The following SLC25A48 variants were observed in gnomAD, a reference collection of about 807,000 sequenced individuals.
SLC25A48 encodes the protein solute carrier family 25 member 48.
Under a neutral mutation model 32.2 loss-of-function variants are expected in SLC25A48, and 29 were observed. The ratio of observed to expected loss-of-function variants is 0.90; its 90% CI spans 0.67 to 1.23. SLC25A48 has a LOEUF of 1.23. Ranked by LOEUF, SLC25A48 falls within the 50% of genes most tolerant of loss-of-function variation. The probability of loss-of-function intolerance (pLI) is 0.00; values close to 1 mark genes in which losing one functional copy is unlikely to be tolerated. For missense variants in SLC25A48, 399 were observed against 422.7 expected, an observed-to-expected ratio of 0.94 and a Z score of 0.49; for synonymous variants, 164 against 172.3, an observed-to-expected ratio of 0.95 and a Z score of 0.38.
intron 3 of SLC25A48, among the ~76,000 whole-genome samples, chr5:135,757,983 T>C (rs905255577): frequency 1.1e-4 from 16 of 150,676 alleles, no homozygotes; most frequent in Admixed American, 2.6e-4. Flanking sequence ...ATGATATTAA[T>C]AGAATATCAT....
intron 3 of SLC25A48, among the ~76,000 whole-genome samples, chr5:135,789,080 A>G (rs76635226): frequency 0.026 from 3,498 of 134,084 alleles, 58 homozygotes; most frequent in Non-Finnish European, 0.036. Flanking sequence ...ATATCCGAGA[A>G]GAGAGAGAGA....
chr5:135,686,480 C>G (rs1489836837), intron 3 of SLC25A48, among the ~76,000 whole-genome samples: 1 of 152,212 alleles, frequency 6.6e-6, no homozygotes, highest in Non-Finnish European at 1.5e-5. Flanking sequence ...GTAGTCTCCT[C>G]AGTGAAGCCT....
At chr5:135,834,458 C>A (rs1758330424), upstream of SLC25A48, among the ~76,000 whole-genome samples, 1 of 152,254 alleles carries the variant, frequency 6.6e-6, no homozygotes, top group Non-Finnish European at 1.5e-5. Context: ...TCTGGATGGG[C>A]GGCTGGCACT....
intron 3 of SLC25A48, among the ~76,000 whole-genome samples, chr5:135,793,270 A>G (rs941883050): frequency 1.3e-5 from 2 of 150,640 alleles, no homozygotes; most frequent in African/African-American, 4.9e-5. Flanking sequence ...CAGTGGGTAT[A>G]CAATATTTGT....
At chr5:135,827,594 T>A (rs1486207834) in intron 4 of SLC25A48, 1 of 152,228 alleles carries the variant, frequency 6.6e-6, no homozygotes, top group African/African-American at 2.4e-5. Flanking sequence ...CCCTTTATTT[T>A]CCATAAGGCT....
intron 3 of SLC25A48, among the ~76,000 whole-genome samples, chr5:135,742,806 C>T (rs1010135724): frequency 1.3e-4 from 20 of 152,020 alleles, no homozygotes; most frequent in African/African-American, 4.8e-4. Context: ...ACATTTGTCT[C>T]CCCCAACTAG....
chr5:135,596,285 A>G (rs367814818), intron 1 of SLC25A48, among the ~76,000 whole-genome samples: 31 of 152,202 alleles, frequency 2.0e-4, no homozygotes, highest in East Asian at 1.2e-3. Flanking sequence ...TTTATACTCA[A>G]TTGGTAACCA....
intron 3 of SLC25A48, among the ~76,000 whole-genome samples, chr5:135,806,160 G>A (rs1757458443): frequency 6.6e-6 from 1 of 151,420 alleles, no homozygotes; most frequent in African/African-American, 2.4e-5. Context: ...ATTTCAGTGG[G>A]TGTACACACT....
Position 135,871,468 on chromosome 5 carries a change from C to T in SLC25A48, c.429C>T (p.Leu143=), listed in dbSNP as rs758713627. The T allele has an allele frequency of 1.7e-5, 27 of 1,585,950 alleles. No individual in the cohort carries two copies. Among genetic ancestry groups the T allele is most frequent in the African/African-American group, 5.4e-5 (4 of 74,462 alleles). Reference sequence around the variant, plus strand: ...TCTCCCCTGTCTTTGCAGCCAACCTCGGTTTGAAGTCCAGGGCAGTGGCTC... The same window carrying T: ...TCTCCCCTGTCTTTGCAGCCAACCTTGGTTTGAAGTCCAGGGCAGTGGCTC... ...MQTQPFRDAN[L]GLKSRAVAPA... The change falls in exon 5 of 8, where the codon CTC becomes CTT. Residue 143 remains leucine, a synonymous_variant. Transcript: ENST00000681962.
intron 3 of SLC25A48, among the ~76,000 whole-genome samples, chr5:135,802,292 G>C (rs1757350287): frequency 6.6e-6 from 1 of 151,668 alleles, no homozygotes; most frequent in Non-Finnish European, 1.5e-5. Context: ...ATCCTAGGAA[G>C]ATATTACTCC....
intron 6 of SLC25A48, chr5:135,874,792 G>A: frequency 4.6e-6 from 3 of 657,672 alleles, no homozygotes; most frequent in South Asian, 1.7e-5. Flanking sequence ...AGACTTCCAT[G>A]TCTGGTGTCC....
At chr5:135,704,469 C>G (rs1345636339) in intron 3 of SLC25A48, among the ~76,000 whole-genome samples, 3 of 152,180 alleles carry the variant, frequency 2.0e-5, no homozygotes, top group Admixed American at 2.0e-4. Flanking sequence ...GATGTGTGGT[C>G]TTTTGGCTAA....
intron 3 of SLC25A48, among the ~76,000 whole-genome samples, chr5:135,689,618 G>A (rs969223065): frequency 2.6e-5 from 4 of 152,182 alleles, no homozygotes; most frequent in African/African-American, 7.2e-5. Context: ...TACACAGATT[G>A]AGGATTGCAG....
rs149769347 is a variant in SLC25A48 at position 135,806,586 on chromosome 5, GA to G, written c.-520-5936del. 4.9e-4 allele frequency among the ~76,000 whole-genome samples: 73 copies of G among 148,676 alleles called. 2 individuals carry two copies. In the East Asian group the frequency reaches 0.013, roughly 27 times the overall value. On this transcript the variant is annotated intron_variant, in intron 3 of 10. Transcript: ENST00000646290. The stretch of plus-strand genomic sequence containing the variant: ...AACACTAGATGTTATAAATATCATT[GA>G]TTTTTTAATATCATAGTGTTTTCAC...
intron 1 of SLC25A48, among the ~76,000 whole-genome samples, chr5:135,586,101 A>G (rs978044256): frequency 6.6e-6 from 1 of 152,226 alleles, no homozygotes; most frequent in Non-Finnish European, 1.5e-5. Flanking sequence ...GGAGAAGGTT[A>G]AGTATGTTGC....
chr5:135,726,259 A>T (rs1755085747), intron 3 of SLC25A48, among the ~76,000 whole-genome samples: 1 of 152,258 alleles, frequency 6.6e-6, no homozygotes, highest in African/African-American at 2.4e-5. Flanking sequence ...TTTAATTTTG[A>T]GATCATTGTA....
At position 135,629,515 on chromosome 5, in the gene SLC25A48, A is replaced by G. The variant is rs1752509598; in HGVS notation, c.-709+139A>G. 1 of 152,188 alleles carries G rather than the reference A, an allele frequency of 6.6e-6. No individual in the cohort carries two copies. The highest frequency in any genetic ancestry group is 6.5e-5 in the Admixed American group (1 of 15,274). The allele number at this position is 152,188 out of a possible 1,614,324, so 9.4% of individuals were successfully genotyped here. Reference sequence around the variant, plus strand: ...GATCTTGGGCTTTGGAGCCACATAGACTTGGCCTCTAATCCCAAGAGACCC... The same window carrying G: ...GATCTTGGGCTTTGGAGCCACATAGGCTTGGCCTCTAATCCCAAGAGACCC... On this transcript the variant is annotated intron_variant, in intron 2 of 10. Transcript: ENST00000646290. This position sits in a 1 kb window ranked among gnomAD's most constrained non-coding sequence, Gnocchi z 4.8.
intron 2 of SLC25A48, among the ~76,000 whole-genome samples, chr5:135,631,272 A>G (rs1229348188): frequency 1.3e-5 from 2 of 152,198 alleles, no homozygotes; most frequent in Non-Finnish European, 2.9e-5. Context: ...GGGCTTCTTC[A>G]TTCAAAGTAT....
At chr5:135,638,376 C>G (rs1446917011) in intron 3 of SLC25A48, among the ~76,000 whole-genome samples, 2 of 146,428 alleles carry the variant, frequency 1.4e-5, no homozygotes, top group African/African-American at 2.5e-5. Flanking sequence ...ATCAAATCAC[C>G]TGGGAATATT....
Sources: gnomAD v4.1 joint callset for allele counts (sites outside exome capture counted in the v4.1 genomes callset) on GRCh38, gnomAD v4.1.1 for gene constraint, Gnocchi (gnomAD v3.1) non-coding constraint, MANE v1.5 for transcripts, NCBI Gene and HGNC (gene_info 2026-07-23, HGNC 2026-07-21) for gene names.